Variants in PTK7 observed in about 807,000 individuals in gnomAD.
The protein encoded by PTK7 is inactive tyrosine-protein kinase 7.
In PTK7, 39 loss-of-function variants were observed where a neutral mutation model predicts 116.6. The ratio of observed to expected loss-of-function variants is 0.33; its 90% CI spans 0.26 to 0.44. The LOEUF is 0.44. Among genes scored for constraint, PTK7 ranks in the 20% least tolerant of loss-of-function variants. The pLI is 1.00. For missense variants in PTK7, 1,169 were observed against 1,425.6 expected (o/e 0.82, Z 2.90); for synonymous variants, 546 against 563.6 (o/e 0.97, Z 0.44).
intron 5 of PTK7, chr6:43,131,663 C>T (rs1166176060): frequency 1.2e-5 from 4 of 328,880 alleles, no homozygotes; most frequent in Non-Finnish European, 1.7e-5. Flanking sequence ...ATTCAGTTAC[C>T]TCCCACTGGG....
At chr6:43,159,018 G>A in intron 18 of PTK7, 50 bp downstream of exon 18, 1 of 1,604,060 alleles carries the variant, frequency 6.2e-7, no homozygotes. Flanking sequence ...CCCAGAGGGT[G>A]AGGGGCAGAG....
intron 1 of PTK7, among the ~76,000 whole-genome samples, chr6:43,083,921 T>C (rs1024362796): frequency 2.0e-5 from 3 of 152,120 alleles, no homozygotes; most frequent in African/African-American, 7.2e-5. Context: ...TAGATATGTG[T>C]TTCTCAAATT....
intron 13 of PTK7, 93 bp downstream of exon 13, chr6:43,142,392 GA>G (rs1297090051): frequency 2.5e-6 from 4 of 1,584,530 alleles, no homozygotes; most frequent in Non-Finnish European, 3.4e-6. Flanking sequence ...ACATGGCACA[GA>G]AGCCATTTTT....
chr6:43,124,520 T>C (rs544691980), intron 1 of PTK7, among the ~76,000 whole-genome samples: 1 of 150,982 alleles, frequency 6.6e-6, no homozygotes, highest in South Asian at 2.1e-4. Flanking sequence ...CCTGTCTCTA[T>C]AAAAAACTAG....
chr6:43,132,260 A>C, intron 6 of PTK7, 96 bp downstream of exon 6: 1 of 1,513,690 alleles, frequency 6.6e-7, no homozygotes, highest in Non-Finnish European at 8.9e-7. Flanking sequence ...AGCCGCTTGG[A>C]GGGCAGGGGA....
At position 43,138,919 on chromosome 6, in the gene PTK7, C is replaced by T; in HGVS notation, c.1299C>T (p.Cys433=). 1 of 1,614,150 alleles carries T rather than the reference C, an allele frequency of 6.2e-7. No individual in the cohort carries two copies. The highest frequency in any genetic ancestry group is 1.1e-5 in the South Asian group (1 of 91,086). ...AGGGCAAACCCGGCTACTTGGATTGCCTGACCCAGGCCACACCAAAACCTA... is the reference window on the plus strand; with the variant it reads ...AGGGCAAACCCGGCTACTTGGATTGTCTGACCCAGGCCACACCAAAACCTA... ...LEEGKPGYLD[C]LTQATPKPTV... The change falls in exon 8 of 20, where the codon TGC becomes TGT. Residue 433 remains cysteine (C), a synonymous_variant. Transcript: ENST00000230419.
intron 1 of PTK7, among the ~76,000 whole-genome samples, chr6:43,113,913 C>T (rs997858426): frequency 4.6e-5 from 7 of 152,178 alleles, no homozygotes; most frequent in Non-Finnish European, 4.4e-5. Flanking sequence ...TATAGAGCCT[C>T]CGCCCCTCTC....
At chr6:43,132,366 A>G (rs1769739127) in intron 6 of PTK7, 55 bp from the exon 7 acceptor site, 10 of 1,533,128 alleles carry the variant, frequency 6.5e-6, no homozygotes, top group Admixed American at 2.0e-5. Context: ...GGAGAACATC[A>G]TGTACCCTGA....
chr6:43,079,920 G>A lies in PTK7; in HGVS notation c.79+3353G>A, dbSNP rs1299725937. ...ACAAAAAAAAAAAAAAAATTGCCAG[G>A]CATGGTGGCACGTGCCTGTGGTCCC... On this transcript the variant is annotated intron_variant, in intron 1 of 19. Transcript: ENST00000230419. Among the ~76,000 whole-genome samples, 3 of 151,768 alleles carry A rather than the reference G, an allele frequency of 2.0e-5. No individual in the cohort carries two copies. In the East Asian group the frequency reaches 5.8e-4, roughly 29 times the overall value.
chr6:43,139,608 C>T lies in PTK7; in HGVS notation c.1618+83C>T, dbSNP rs769551001. 2.5e-6 allele frequency: 4 copies of T among 1,570,570 alleles called. No homozygotes were observed. Among genetic ancestry groups the T allele is most frequent in the African/African-American group, 1.4e-5 (1 of 73,954 alleles). On this transcript the variant is annotated intron_variant, in intron 10 of 19. Transcript: ENST00000230419. The surrounding 1 kb of genome is among the most constrained non-coding windows in gnomAD (Gnocchi z 4.6). ...TACCTGAGGGCTGCTGGGTGCCCCG[C>T]ACTGTGCCAGGAAATGTGGAGATTA... is the stretch of plus-strand genomic sequence containing the variant.
rs1170818291 is a variant in PTK7 at position 43,118,620 on chromosome 6, CCTCTCTCTCT to C, written c.80-10326_80-10317del. Among the ~76,000 whole-genome samples, 370 of 63,336 alleles carry C rather than the reference CCTCTCTCTCT, an allele frequency of 5.8e-3. 1 individual carries two copies. Among genetic ancestry groups the C allele is most frequent in the African/African-American group, 0.012 (222 of 18,646 alleles). 41.6% of individuals were successfully genotyped at this position (63,336 alleles called of 152,430 possible). Reference sequence around the variant, plus strand: ...AGAGCAGGTTTAAGGAATATTTTAACCTCTCTCTCTCTCTCTCTCTCTCTCTCTCTCTCTC... The same window carrying C: ...AGAGCAGGTTTAAGGAATATTTTAACCTCTCTCTCTCTCTCTCTCTCTCTC... On this transcript the variant is annotated intron_variant, in intron 1 of 19. Transcript: ENST00000230419.
Position 43,093,249 on chromosome 6 carries a change from G to C in PTK7, c.79+16682G>C, listed in dbSNP as rs185442780. ...TTGTTGCCCAGGCTGGAGTGCAACG[G>C]CACAATCTCAGCTCACTGCAATCTC... On this transcript the variant is annotated intron_variant, in intron 1 of 19. Transcript: ENST00000230419. Among the ~76,000 whole-genome samples the C allele has an allele frequency of 1.6e-3, 234 of 146,466 alleles. 2 individuals carry two copies. Among genetic ancestry groups the C allele is most frequent in the Admixed American group, 0.014 (203 of 14,544 alleles).
In PTK7 at chr6:43,139,034, C is replaced by T. The variant is rs1400149574; in HGVS notation, c.1362+52C>T. ...ATGGGCGGGGCCTTCCCTCCACTTG[C>T]CCTCTTCTGTGCTCACCTCCATAGC... On this transcript the variant is annotated intron_variant, in intron 8 of 19. Coordinates refer to ENST00000230419, the MANE Select transcript of PTK7 (RefSeq NM_002821.5). The surrounding 1 kb of genome is among the most constrained non-coding windows in gnomAD (Gnocchi z 4.6). The T allele has an allele frequency of 2.5e-6, 4 of 1,607,036 alleles. No homozygotes were observed. The African/African-American group carries it at 4.0e-5, about 16-fold the overall frequency.
chr6:43,160,762 T>G lies in PTK7; in HGVS notation c.3094T>G (p.Cys1032Gly). Residue 1032 changes from cysteine (C) to glycine (G), a missense_variant, in exon 20 of 20, where the codon TGC becomes GGC. Coordinates refer to ENST00000230419, the MANE Select transcript of PTK7 (RefSeq NM_002821.5). ...GGCTAGACTTCCTCAGCCCGAGGGC[T>G]GCCCTTCCAAACTCTATCGGCTGAT... The part of the protein sequence containing the change: ...GKARLPQPEG[C>G]PSKLYRLMQR... 6.2e-7 allele frequency: 1 copy of G among 1,614,216 alleles called. No homozygotes were observed. The highest frequency in any genetic ancestry group is 8.5e-7 in the Non-Finnish European group (1 of 1,180,028).
chr6:43,133,023 G>T (rs1472883380), intron 7 of PTK7: 1 of 463,986 alleles, frequency 2.2e-6, no homozygotes, highest in East Asian at 3.1e-5. Context: ...ACCTTACTGG[G>T]GTTCAGTCTC....
At chr6:43,157,341 TATATATATATATA>T (rs1771505131) in intron 17 of PTK7, among the ~76,000 whole-genome samples, 2 of 12,018 alleles carry the variant, frequency 1.7e-4, no homozygotes, top group African/African-American at 3.7e-4. Flanking sequence ...TATATATATA[TATATATATATATA>T]TATATATATA....
chr6:43,123,313 G>A (rs1769072759), intron 1 of PTK7, among the ~76,000 whole-genome samples: 1 of 152,206 alleles, frequency 6.6e-6, no homozygotes. Context: ...ACAGTGATGT[G>A]TGGCAGATTC....
chr6:43,131,805 C>T, intron 5 of PTK7: 1 of 633,454 alleles, frequency 1.6e-6, no homozygotes, highest in Non-Finnish European at 2.8e-6. Context: ...GAGCTGATCT[C>T]CTGTAGTTGG....
At chr6:43,160,673 AGTT>A in intron 19 of PTK7, 45 bp from the exon 20 acceptor site, 1 of 1,602,584 alleles carries the variant, frequency 6.2e-7, no homozygotes, top group Non-Finnish European at 8.5e-7. Flanking sequence ...GTGTTGAACA[AGTT>A]GTTGAATGTT....
Sources: allele counts gnomAD v4.1 joint callset (sites outside exome capture counted in the v4.1 genomes callset), GRCh38; gene constraint gnomAD v4.1.1; non-coding constraint Gnocchi (gnomAD v3.1); transcripts MANE v1.5; gene names NCBI Gene and HGNC (gene_info 2026-07-23, HGNC 2026-07-21).